The following MPHOSPH8 variants were observed in gnomAD, a reference collection of about 807,000 sequenced individuals.
MPHOSPH8 encodes M-phase phosphoprotein, mpp.
Under a neutral mutation model 87.3 loss-of-function variants are expected in MPHOSPH8, and 45 were observed. The ratio of observed to expected loss-of-function variants is 0.52; its 90% CI spans 0.41 to 0.66. MPHOSPH8 has a LOEUF of 0.66. Among genes scored for constraint, MPHOSPH8 ranks in the 30% least tolerant of loss-of-function variants. The pLI, the probability that MPHOSPH8 is intolerant of heterozygous loss-of-function variation, is 0.00. For synonymous variants in MPHOSPH8, 366 were observed against 376.9 expected, an observed-to-expected ratio of 0.97 and a Z score of 0.33; for missense variants, 883 against 1,020.2, an observed-to-expected ratio of 0.87 and a Z score of 1.83.
At chr13:19,650,285 A>G (rs766430271) in intron 5 of MPHOSPH8, 25 bp downstream of exon 5, 3 of 1,605,652 alleles carry the variant, frequency 1.9e-6, no homozygotes, top group Admixed American at 3.4e-5. Flanking sequence ...ATTTTGCAGA[A>G]TTTTTCAAGG....
At chr13:19,651,911 A>G (rs1209008418) in intron 5 of MPHOSPH8, among the ~76,000 whole-genome samples, 1 of 151,842 alleles carries the variant, frequency 6.6e-6, no homozygotes, top group Non-Finnish European at 1.5e-5. Context: ...CAGCCTGGAC[A>G]ACATGCTGAA....
At chr13:19,662,881 G>C (rs966418026) in intron 8 of MPHOSPH8, among the ~76,000 whole-genome samples, 159 bp from the exon 9 acceptor site, 1 of 152,220 alleles carries the variant, frequency 6.6e-6, no homozygotes, top group African/African-American at 2.4e-5. Context: ...TCTGTGGGGC[G>C]GGGTGCACCC....
chr13:19,653,897 A>G (rs748967042), intron 5 of MPHOSPH8, among the ~76,000 whole-genome samples: 2 of 152,196 alleles, frequency 1.3e-5, no homozygotes, highest in Non-Finnish European at 2.9e-5. Context: ...TCCAAGAAAT[A>G]TGGAACTATG....
intron 9 of MPHOSPH8, 137 bp from the exon 10 acceptor site, chr13:19,666,288 G>T: frequency 2.4e-6 from 2 of 822,474 alleles, no homozygotes; most frequent in Non-Finnish European, 3.7e-6. Context: ...GGCCTGACGG[G>T]CCCCAAAAGT....
Position 19,658,975 on chromosome 13 carries a change from A to G in MPHOSPH8, c.1577-20A>G, listed in dbSNP as rs749537339. On this transcript the variant is annotated intron_variant, in intron 5 of 13. Coordinates refer to ENST00000361479, the MANE Select transcript of MPHOSPH8 (RefSeq NM_017520.4). ...ATACTTCAGACAAATGTATGTTAAC[A>G]AGGCTATTGTGTGTTCCAGATGGCA... 11 of 1,599,946 alleles carry G rather than the reference A, an allele frequency of 6.9e-6. No homozygotes were observed. The highest frequency in any genetic ancestry group is 9.4e-6 in the Non-Finnish European group (11 of 1,176,330).
At position 19,646,572 on chromosome 13, in the gene MPHOSPH8, G is replaced by C; in HGVS notation, c.499G>C (p.Asp167His). Residue 167 changes from aspartate to histidine, a missense_variant, in exon 3 of 14, where the codon GAT becomes CAT. By Grantham distance (81) the Asp-to-His change is moderately conservative. Coordinates refer to ENST00000361479, the MANE Select transcript of MPHOSPH8 (RefSeq NM_017520.4). ...LRQREEKSPDDLKKKKAKAGK... is the reference protein window; with the variant it reads ...LRQREEKSPDHLKKKKAKAGK... ...GCAGAGAGAAGAGAAAAGCCCAGAT[G>C]ATCTGAAAAAGAAAAAAGCAAAGGC... The C allele has an allele frequency of 6.3e-7, 1 of 1,584,640 alleles. No homozygotes were observed. Among genetic ancestry groups the C allele is most frequent in the Non-Finnish European group, 8.5e-7 (1 of 1,173,308 alleles).
intron 10 of MPHOSPH8, among the ~76,000 whole-genome samples, chr13:19,667,250 G>T (rs1362710595): frequency 6.6e-6 from 1 of 152,130 alleles, no homozygotes; most frequent in Non-Finnish European, 1.5e-5. Flanking sequence ...TTTAAGCACA[G>T]CAAAGTTGAG....
Position 19,661,790 on chromosome 13 carries a change from C to A in MPHOSPH8, c.1884C>A (p.Asn628Lys). 1 of 1,613,294 alleles carries A rather than the reference C, an allele frequency of 6.2e-7. No homozygotes were observed. The highest frequency in any genetic ancestry group is 8.5e-7 in the Non-Finnish European group (1 of 1,179,568). Residue 628 changes from asparagine to lysine, a missense_variant, in exon 8 of 14, where the codon AAC becomes AAA. Around this residue, in one of 3 missense-constraint regions of MPHOSPH8, gnomAD observed 741 missense variants for 841.5 expected, o/e 0.88. Coordinates refer to ENST00000361479, the MANE Select transcript of MPHOSPH8 (RefSeq NM_017520.4). ...TCATCACAAAAGGCGCGAAAGTGAACGGTCGGCAGAAGAACGGGACCACCG... is the reference window on the plus strand; with the variant it reads ...TCATCACAAAAGGCGCGAAAGTGAAAGGTCGGCAGAAGAACGGGACCACCG... ...RLLITKGAKV[N>K]GRQKNGTTAL...
chr13:19,673,166 G>A lies in MPHOSPH8; in HGVS notation c.*1291G>A, dbSNP rs1231395526. The A allele has an allele frequency of 3.1e-5, 14 of 451,804 alleles. No homozygotes were observed. The highest frequency in any genetic ancestry group is 1.4e-4 in the South Asian group (9 of 63,868). The allele number at this position is 451,804 out of a possible 1,614,324, so 28.0% of individuals were successfully genotyped here. A position where few individuals can be genotyped will look rare whatever the true frequency, so the allele number is the denominator to read the frequency against. On this transcript the variant is annotated 3_prime_UTR_variant, in exon 14 of 14. Coordinates refer to ENST00000361479, the MANE Select transcript of MPHOSPH8 (RefSeq NM_017520.4). ...ACACCGACTGGGAAGATGGGGCTTA[G>A]GTAACAGCCAAACCTGGCTGTCAGC...
At chr13:19,662,034 C>T (rs1231575013) in intron 8 of MPHOSPH8, among the ~76,000 whole-genome samples, 196 bp downstream of exon 8, 2 of 151,960 alleles carry the variant, frequency 1.3e-5, no homozygotes, top group Non-Finnish European at 2.9e-5. Context: ...CTCCACCTCC[C>T]GGGTTCACTC....
chr13:19,643,011 G>A (rs374722255), intron 2 of MPHOSPH8, among the ~76,000 whole-genome samples: 1 of 152,158 alleles, frequency 6.6e-6, no homozygotes. Flanking sequence ...TTTATAAGAT[G>A]ACCACTGGTC....
At chr13:19,661,869 G>C in intron 8 of MPHOSPH8, 31 bp downstream of exon 8, 1 of 1,575,264 alleles carries the variant, frequency 6.3e-7, no homozygotes, top group Non-Finnish European at 8.6e-7. Context: ...CAGTTTCAGA[G>C]CTTTCATGGT....
chr13:19,652,334 A>G (rs1874896401), intron 5 of MPHOSPH8, among the ~76,000 whole-genome samples: 1 of 152,000 alleles, frequency 6.6e-6, no homozygotes, highest in African/African-American at 2.4e-5. Flanking sequence ...GGGGTCGGGG[A>G]ACTCCCTCCC....
chr13:19,656,429 A>G (rs1875178579), intron 5 of MPHOSPH8, among the ~76,000 whole-genome samples: 1 of 152,114 alleles, frequency 6.6e-6, no homozygotes, highest in Admixed American at 6.5e-5. Flanking sequence ...AAACCTATAT[A>G]CATTTCTACA....
chr13:19,647,009 G>A lies in MPHOSPH8; in HGVS notation c.936G>A (p.Lys312=), dbSNP rs750733120. Residue 312 remains lysine, a synonymous_variant, in exon 3 of 14, where the codon AAG becomes AAA. Coordinates refer to ENST00000361479, the MANE Select transcript of MPHOSPH8 (RefSeq NM_017520.4). ...TGGGGCTGGAGCATGGCTTTGAGAA[G>A]CCCCTAGACAGTGCCATGAGTGCTG... is the stretch of plus-strand genomic sequence containing the variant. ...QDMGLEHGFE[K]PLDSAMSAEE... 3 of 1,592,462 alleles carry A rather than the reference G, an allele frequency of 1.9e-6. No individual in the cohort carries two copies. Among genetic ancestry groups the A allele is most frequent in the Non-Finnish European group, 2.6e-6 (3 of 1,174,590 alleles).
At chr13:19,669,379 C>G (rs1437707898) in intron 11 of MPHOSPH8, among the ~76,000 whole-genome samples, 1 of 151,792 alleles carries the variant, frequency 6.6e-6, no homozygotes, top group East Asian at 2.0e-4. Flanking sequence ...TCGGGTGGAC[C>G]ATCTGCATTG....
At chr13:19,671,808 A>T in intron 13 of MPHOSPH8, 26 bp from the exon 14 acceptor site, 1 of 1,612,566 alleles carries the variant, frequency 6.2e-7, no homozygotes, top group Non-Finnish European at 8.5e-7. Context: ...ATCTGTACTG[A>T]CACCTGCGTT....
intron 1 of MPHOSPH8, among the ~76,000 whole-genome samples, chr13:19,641,468 A>G (rs897085371): frequency 7.1e-6 from 1 of 139,912 alleles, no homozygotes; most frequent in African/African-American, 2.7e-5. Context: ...GACTACAGGC[A>G]CGTGCCACCA....
Position 19,666,460 on chromosome 13 carries a change from C to G in MPHOSPH8, c.2055C>G (p.Leu685=). The G allele has an allele frequency of 1.2e-6, 2 of 1,610,934 alleles. No individual in the cohort carries two copies. Among genetic ancestry groups the G allele is most frequent in the Non-Finnish European group, 1.7e-6 (2 of 1,177,388 alleles). ...CKRGNSDIVR[L]VIECGADCNI... is the part of the protein sequence containing the mutation. Reference sequence around the variant, plus strand: ...GAGGAAATTCAGACATCGTACGACTCGTAATTGAATGTGGAGCTGACTGCA... The same window carrying G: ...GAGGAAATTCAGACATCGTACGACTGGTAATTGAATGTGGAGCTGACTGCA... Residue 685 remains leucine (L), a synonymous_variant, in exon 10 of 14, where the codon CTC becomes CTG. Transcript: ENST00000361479.
Sources: gnomAD v4.1 joint callset for allele counts (sites outside exome capture counted in the v4.1 genomes callset) on GRCh38, gnomAD v4.1.1 for gene constraint, gnomAD v4.1.1 regional missense constraint, MANE v1.5 for transcripts, NCBI Gene and HGNC (gene_info 2026-07-23, HGNC 2026-07-21) for gene names.